Variants in DCLK2 observed in about 807,000 individuals in gnomAD.
DCLK2 encodes doublecortin like kinase 2, also known as serine/threonine-protein kinase DCLK2.
A neutral mutation model predicts 78.4 loss-of-function variants in DCLK2; 31 were observed. The observed-to-expected ratio is 0.40, with a 90% confidence interval of 0.30 to 0.53. The LOEUF (loss-of-function observed/expected upper bound fraction) is 0.53, where lower values mean the gene tolerates loss of function less well. DCLK2 is among the 20% of genes least tolerant of loss of function. The pLI is 0.61. For missense variants in DCLK2, 872 were observed against 973.7 expected, an observed-to-expected ratio of 0.90 and a Z score of 1.39; for synonymous variants, 407 against 374.9, an observed-to-expected ratio of 1.09 and a Z score of -0.99.
chr4:150,146,534 A>T (rs527733962), intron 2 of DCLK2, among the ~76,000 whole-genome samples: 1 of 148,786 alleles, frequency 6.7e-6, no homozygotes, highest in South Asian at 2.5e-4. Flanking sequence ...ACTGTAGTAG[A>T]GCAGTTGAGA....
At chr4:150,178,954 T>C (rs1737288337) in intron 2 of DCLK2, among the ~76,000 whole-genome samples, 1 of 152,218 alleles carries the variant, frequency 6.6e-6, no homozygotes, top group African/African-American at 2.4e-5. Context: ...ACAAGATACA[T>C]CTTGTCTTTT....
At chr4:150,223,743 C>A (rs374414977) in intron 7 of DCLK2, among the ~76,000 whole-genome samples, 5 of 146,856 alleles carry the variant, frequency 3.4e-5, no homozygotes, top group Non-Finnish European at 6.0e-5. Flanking sequence ...GACTCTCTCT[C>A]AATAAATAAA....
chr4:150,244,744 G>A (rs1008971889), intron 12 of DCLK2, among the ~76,000 whole-genome samples: 3 of 152,154 alleles, frequency 2.0e-5, no homozygotes, highest in African/African-American at 7.2e-5. Flanking sequence ...TTTCTAGTGC[G>A]GGGCAGGCCC....
intron 2 of DCLK2, among the ~76,000 whole-genome samples, chr4:150,127,357 T>C (rs151245734): frequency 4.6e-5 from 7 of 152,362 alleles, no homozygotes; most frequent in Middle Eastern, 3.4e-3. Context: ...CATTTCCTTC[T>C]ACATTTATTA....
chr4:150,221,744 T>C lies in DCLK2; in HGVS notation c.1200T>C (p.Ile400=). ...AGAAATACAAAATTGGAAAGGTCATTGGTGATGGCAATTTTGCAGTAGTCA... is the reference window on the plus strand; with the variant it reads ...AGAAATACAAAATTGGAAAGGTCATCGGTGATGGCAATTTTGCAGTAGTCA... ...LLEKYKIGKV[I]GDGNFAVVKE... is the part of the protein sequence containing the mutation. The change falls in exon 7 of 16, where the codon ATT becomes ATC. Residue 400 remains isoleucine (I), a synonymous_variant. Coordinates refer to ENST00000296550, the MANE Select transcript of DCLK2 (RefSeq NM_001040260.4). 1 of 1,607,600 alleles carries C rather than the reference T, an allele frequency of 6.2e-7. No homozygotes were observed. The highest frequency in any genetic ancestry group is 8.5e-7 in the Non-Finnish European group (1 of 1,177,688).
chr4:150,082,713 G>T (rs190140313), intron 1 of DCLK2, among the ~76,000 whole-genome samples: 217 of 152,286 alleles, frequency 1.4e-3, no homozygotes, highest in Non-Finnish European at 2.7e-3. Context: ...CTTAAGCTGT[G>T]AGCCTGCTGA....
intron 2 of DCLK2, among the ~76,000 whole-genome samples, chr4:150,109,373 T>C (rs981075211): frequency 6.6e-6 from 1 of 151,554 alleles, no homozygotes; most frequent in Non-Finnish European, 1.5e-5. Flanking sequence ...TCTGGCTCTG[T>C]CGCCAGGCTG....
intron 14 of DCLK2, 68 bp from the exon 15 acceptor site, chr4:150,249,500 T>C: frequency 7.1e-7 from 1 of 1,414,094 alleles, no homozygotes. Context: ...AGGGGGACTC[T>C]TAAGGAAAAG....
At chr4:150,187,989 C>T (rs1255020788) in intron 2 of DCLK2, among the ~76,000 whole-genome samples, 3 of 152,164 alleles carry the variant, frequency 2.0e-5, no homozygotes, top group Non-Finnish European at 4.4e-5. Context: ...TTAGTAGAGA[C>T]GGGGTTTCGC....
intron 2 of DCLK2, among the ~76,000 whole-genome samples, chr4:150,126,296 GAT>G (rs1255139086): frequency 6.6e-6 from 1 of 152,230 alleles, no homozygotes; most frequent in African/African-American, 2.4e-5. Flanking sequence ...GAGGAACAAA[GAT>G]ATGTAAGACA....
intron 2 of DCLK2, among the ~76,000 whole-genome samples, chr4:150,179,428 T>A (rs1737342685): frequency 6.6e-6 from 1 of 152,192 alleles, no homozygotes; most frequent in Admixed American, 6.5e-5. Flanking sequence ...GCTGAATAGT[T>A]GTTGTTTTCC....
At chr4:150,157,140 C>T (rs899912611) in intron 2 of DCLK2, among the ~76,000 whole-genome samples, 4 of 147,602 alleles carry the variant, frequency 2.7e-5, no homozygotes, top group Non-Finnish European at 5.9e-5. Flanking sequence ...TACATTTCTG[C>T]GTTAGCTGGT....
At position 150,078,601 on chromosome 4, in the gene DCLK2, C is replaced by CT. The variant is rs1255241197; in HGVS notation, c.-426dup. The CT allele has an allele frequency of 5.9e-5, 9 of 152,000 alleles. No individual in the cohort carries two copies. The highest frequency in any genetic ancestry group is 2.2e-4 in the African/African-American group (9 of 41,382). 9.4% of individuals were successfully genotyped at this position (152,000 alleles called of 1,614,324 possible). A position where few individuals can be genotyped will look rare whatever the true frequency, so the allele number is the denominator to read the frequency against. ...GCCCCGCCCCACCCTTCCTTCCTTC[C>CT]TCCCCTCGGCGCTCCCGGGAGCGCT... On this transcript the variant is annotated 5_prime_UTR_variant, in exon 1 of 16. Coordinates refer to ENST00000296550, the MANE Select transcript of DCLK2 (RefSeq NM_001040260.4).
chr4:150,090,995 C>T (rs563922130), intron 1 of DCLK2, among the ~76,000 whole-genome samples: 1 of 152,272 alleles, frequency 6.6e-6, no homozygotes, highest in African/African-American at 2.4e-5. Flanking sequence ...GCATCTGGGC[C>T]AGAGCAGTGC....
At chr4:150,158,935 C>T (rs1735511704) in intron 2 of DCLK2, among the ~76,000 whole-genome samples, 1 of 152,038 alleles carries the variant, frequency 6.6e-6, no homozygotes, top group Non-Finnish European at 1.5e-5. Flanking sequence ...AATGAAAATG[C>T]AGGGCTTACT....
chr4:150,094,330 T>C (rs1414378879), intron 1 of DCLK2, among the ~76,000 whole-genome samples: 1 of 152,078 alleles, frequency 6.6e-6, no homozygotes, highest in African/African-American at 2.4e-5. Context: ...TATCTAACAG[T>C]GGAGATTTTA....
intron 2 of DCLK2, among the ~76,000 whole-genome samples, chr4:150,118,880 T>G (rs1460357707): frequency 6.6e-6 from 1 of 151,978 alleles, no homozygotes; most frequent in Non-Finnish European, 1.5e-5. Flanking sequence ...AAAAATTAGC[T>G]GGGCATGGTG....
At position 150,079,271 on chromosome 4, in the gene DCLK2, C is replaced by T. The variant is rs750400614; in HGVS notation, c.244C>T (p.Arg82Cys). 6.2e-7 allele frequency: 1 copy of T among 1,603,522 alleles called. No individual in the cohort carries two copies. The highest frequency in any genetic ancestry group is 8.5e-7 in the Non-Finnish European group (1 of 1,175,332). Reference sequence around the variant, plus strand: ...GGCGCGCTTCTACCGGAACGGGGACCGCTACTTCAAGGGCCTGGTGTTTGC... The same window carrying T: ...GGCGCGCTTCTACCGGAACGGGGACTGCTACTTCAAGGGCCTGGTGTTTGC... ...KKARFYRNGD[R>C]YFKGLVFAIS... The change falls in exon 1 of 16, where the codon CGC becomes TGC. Residue 82 changes from arginine (R) to cysteine (C), a missense_variant. Coordinates refer to ENST00000296550, the MANE Select transcript of DCLK2 (RefSeq NM_001040260.4).
intron 2 of DCLK2, among the ~76,000 whole-genome samples, chr4:150,107,378 GTTTTTTT>G (rs201080236): frequency 8.0e-6 from 1 of 125,186 alleles, no homozygotes; most frequent in African/African-American, 3.1e-5. Context: ...TTTGGTTATT[GTTTTTTT>G]TTTTTTTTTT....
Sources: gnomAD v4.1 joint callset for allele counts (sites outside exome capture counted in the v4.1 genomes callset) on GRCh38, gnomAD v4.1.1 for gene constraint, MANE v1.5 for transcripts, NCBI Gene and HGNC (gene_info 2026-07-23, HGNC 2026-07-21) for gene names.